SLC22A23: variants seen among roughly 807,000 people sequenced by gnomAD.
The protein encoded by SLC22A23 is ion transporter protein.
A neutral mutation model predicts 61.0 loss-of-function variants in SLC22A23; 26 were observed. The observed-to-expected ratio is 0.43, with a 90% CI of 0.31 to 0.59. The LOEUF (loss-of-function observed/expected upper bound fraction) is 0.59. Among genes scored for constraint, SLC22A23 ranks in the 20% least tolerant of loss-of-function variants. SLC22A23 has a pLI of 0.11. For missense variants in SLC22A23, 796 were observed against 934.7 expected (o/e 0.85, Z 1.94); for synonymous variants, 430 against 413.9 (o/e 1.04, Z -0.47).
intron 1 of SLC22A23, chr6:3,432,157 G>T: frequency 1.0e-6 from 1 of 968,724 alleles, no homozygotes; most frequent in Non-Finnish European, 1.2e-6. Flanking sequence ...AGGCGGTAGT[G>T]CTAGGGTTCA....
At chr6:3,279,509 CAAAAAAAAAAAAAAA>C (rs10642564) in intron 9 of SLC22A23, among the ~76,000 whole-genome samples, 12 of 36,016 alleles carry the variant, frequency 3.3e-4, no homozygotes, top group African/African-American at 8.8e-4. Flanking sequence ...GGCTCCGTCT[CAAAAAAAAAAAAAAA>C]AAAAAAAAAA....
rs1425710337 is a variant in SLC22A23, at chr6:3,405,408, T to A, written c.913+4780A>T. Among the ~76,000 whole-genome samples the A allele has an allele frequency of 4.6e-5, 7 of 152,318 alleles. No individual in the cohort carries two copies. The East Asian group carries it at 1.3e-3, about 29-fold the overall frequency. On this transcript the variant is annotated intron_variant, in intron 3 of 9. Transcript: ENST00000406686. The stretch of plus-strand genomic sequence containing the variant: ...CTTGCTGCTACTGGGAAGGCCCACG[T>A]ATCTGAAGATGGGGAAACCGGGTGG...
At chr6:3,298,252 T>C (rs1327700340) in intron 4 of SLC22A23, 34 bp from the exon 5 acceptor site, 2 of 1,574,640 alleles carry the variant, frequency 1.3e-6, no homozygotes, top group Non-Finnish European at 1.7e-6. Flanking sequence ...GTGAATGTCT[T>C]CCGATTCTGC....
In SLC22A23 at chr6:3,330,905, C is replaced by T. The variant is rs140474663; in HGVS notation, c.914-6903G>A. On this transcript the variant is annotated intron_variant, in intron 3 of 9. Transcript: ENST00000406686. The surrounding 1 kb of genome is among the most constrained non-coding windows in gnomAD (Gnocchi z 4.7). The stretch of plus-strand genomic sequence containing the variant: ...TTCCAGTGTCTGCCAGACATGTAGA[C>T]ATAGGCATTAAATGCTCAAATGCAG... 7.9e-5 allele frequency among the ~76,000 whole-genome samples: 12 copies of T among 152,340 alleles called. No homozygotes were observed. The highest frequency in any genetic ancestry group is 1.8e-4 in the Non-Finnish European group (12 of 68,032).
At chr6:3,278,792 G>GA (rs1452305903) in intron 9 of SLC22A23, among the ~76,000 whole-genome samples, 1 of 152,210 alleles carries the variant, frequency 6.6e-6, no homozygotes, top group African/African-American at 2.4e-5. Context: ...AGATGCTAGG[G>GA]ATAATGGACA....
chr6:3,292,845 TGGGAGCACTCG>T (rs11271675), intron 5 of SLC22A23, among the ~76,000 whole-genome samples: 11,703 of 152,152 alleles, frequency 0.077, 672 homozygotes, highest in East Asian at 0.32. Flanking sequence ...GCGCGGCCTC[TGGGAGCACTCG>T]GGGAGCACGT....
At chr6:3,292,838 C>T (rs965788036) in intron 5 of SLC22A23, among the ~76,000 whole-genome samples, 2 of 151,436 alleles carry the variant, frequency 1.3e-5, no homozygotes, top group Admixed American at 1.3e-4. Flanking sequence ...GAACTCGGCG[C>T]GGCCTCTGGG....
At position 3,328,527 on chromosome 6, in the gene SLC22A23, T is replaced by C. The variant is rs1763404312; in HGVS notation, c.914-4525A>G. 6.6e-6 allele frequency among the ~76,000 whole-genome samples: 1 copy of C among 152,088 alleles called. No homozygotes were observed. The highest frequency in any genetic ancestry group is 1.5e-5 in the Non-Finnish European group (1 of 68,020). On this transcript the variant is annotated intron_variant, in intron 3 of 9. Transcript: ENST00000406686. This position sits in a 1 kb window ranked among gnomAD's most constrained non-coding sequence, Gnocchi z 5.0. ...GCATTTGCTCAAACAGGAACCCCGGTGCTGCCAGGAGAGAGCTGACTTTGA... is the reference window on the plus strand; with the variant it reads ...GCATTTGCTCAAACAGGAACCCCGGCGCTGCCAGGAGAGAGCTGACTTTGA...
At position 3,330,911 on chromosome 6, in the gene SLC22A23, C is replaced by CATT; in HGVS notation, c.914-6912_914-6910dup. The stretch of plus-strand genomic sequence containing the variant: ...TGTCTGCCAGACATGTAGACATAGG[C>CATT]ATTAAATGCTCAAATGCAGAAATAC... On this transcript the variant is annotated intron_variant, in intron 3 of 9. Transcript: ENST00000406686. The surrounding 1 kb of genome is among the most constrained non-coding windows in gnomAD (Gnocchi z 4.7). Among the ~76,000 whole-genome samples, 1 of 152,310 alleles carries CATT rather than the reference C, an allele frequency of 6.6e-6. No homozygotes were observed. The highest frequency in any genetic ancestry group is 2.1e-4 in the South Asian group (1 of 4,820).
chr6:3,422,821 C>T (rs1386961778), intron 1 of SLC22A23, among the ~76,000 whole-genome samples: 3 of 152,046 alleles, frequency 2.0e-5, no homozygotes, highest in Admixed American at 6.5e-5. Flanking sequence ...AACCATGGTA[C>T]ATTGAGGGGA....
chr6:3,439,374 G>C (rs1313636266), intron 1 of SLC22A23: 3 of 447,258 alleles, frequency 6.7e-6, no homozygotes, highest in Non-Finnish European at 8.9e-6. Context: ...AGTTCCCCAG[G>C]GTGACTCTAA....
rs997867560 is a variant in SLC22A23 at position 3,390,876 on chromosome 6, G to A, written c.913+19312C>T. Among the ~76,000 whole-genome samples, 8 of 152,168 alleles carry A rather than the reference G, an allele frequency of 5.3e-5. No homozygotes were observed. Among genetic ancestry groups the A allele is most frequent in the Admixed American group, 3.9e-4 (6 of 15,286 alleles). ...GAAGCTGGAGTTCTGCCCAGAAGCCGCACCCAGAGATCTGAGGGAACCATG... is the reference window on the plus strand; with the variant it reads ...GAAGCTGGAGTTCTGCCCAGAAGCCACACCCAGAGATCTGAGGGAACCATG... On this transcript the variant is annotated intron_variant, in intron 3 of 9. Coordinates refer to ENST00000406686, the MANE Select transcript of SLC22A23 (RefSeq NM_015482.2). The surrounding 1 kb of genome is among the most constrained non-coding windows in gnomAD (Gnocchi z 4.0).
At chr6:3,451,609 G>C (rs1235497364) in intron 1 of SLC22A23, among the ~76,000 whole-genome samples, 1 of 152,156 alleles carries the variant, frequency 6.6e-6, no homozygotes, top group African/African-American at 2.4e-5. Context: ...CTGAGAACTT[G>C]GGCTGCGCAG....
In SLC22A23 at chr6:3,286,836, G is replaced by A; in HGVS notation, c.1546+23C>T. The A allele has an allele frequency of 6.4e-7, 1 of 1,553,636 alleles. No homozygotes were observed. The highest frequency in any genetic ancestry group is 8.7e-7 in the Non-Finnish European group (1 of 1,146,986). On this transcript the variant is annotated intron_variant, in intron 7 of 9. Transcript: ENST00000406686. This position sits in a 1 kb window ranked among gnomAD's most constrained non-coding sequence, Gnocchi z 4.2. ...CTGCCAGCTTCCCTCCCTGCACCCA[G>A]CCCACCTCCCCGACCCACTCACGGT...
At position 3,390,783 on chromosome 6, in the gene SLC22A23, A is replaced by T. The variant is rs1299437468; in HGVS notation, c.913+19405T>A. Among the ~76,000 whole-genome samples the T allele has an allele frequency of 6.6e-6, 1 of 152,182 alleles. No homozygotes were observed. The highest frequency in any genetic ancestry group is 1.5e-5 in the Non-Finnish European group (1 of 68,034). On this transcript the variant is annotated intron_variant, in intron 3 of 9. Transcript: ENST00000406686. This position sits in a 1 kb window ranked among gnomAD's most constrained non-coding sequence, Gnocchi z 4.0. The stretch of plus-strand genomic sequence containing the variant: ...ATCACTGAACATTTATATTCTAAAC[A>T]TCAGTCTCAGGCCCTACAGGCTTCA...
At chr6:3,443,530 G>C (rs928448089) in intron 1 of SLC22A23, among the ~76,000 whole-genome samples, 1 of 152,176 alleles carries the variant, frequency 6.6e-6, no homozygotes, top group African/African-American at 2.4e-5. Context: ...TACATCCTGA[G>C]TCTCTGGGAG....
In SLC22A23 at chr6:3,356,093, GAGGAGGC is replaced by G. The variant is rs1225301258; in HGVS notation, c.914-32098_914-32092del. On this transcript the variant is annotated intron_variant, in intron 3 of 9. Transcript: ENST00000406686. ...GGGGCGCGGGAGGGGGAGGAGGCGGGAGGAGGCGGGGGTGGGTGGAGGCGGGAGGGTG... is the reference window on the plus strand; with the variant it reads ...GGGGCGCGGGAGGGGGAGGAGGCGGGGGGGGTGGGTGGAGGCGGGAGGGTG... Among the ~76,000 whole-genome samples, 19 of 7,950 alleles carry G rather than the reference GAGGAGGC, an allele frequency of 2.4e-3. 6 individuals are homozygous for G. The highest frequency in any genetic ancestry group is 3.9e-3 in the Non-Finnish European group (14 of 3,592). The allele number at this position is 7,950 out of a possible 152,430, so 5.2% of individuals were successfully genotyped here. A position where few individuals can be genotyped will look rare whatever the true frequency, so the allele number is the denominator to read the frequency against.
At chr6:3,428,236 A>G (rs1299117580) in intron 1 of SLC22A23, among the ~76,000 whole-genome samples, 1 of 152,246 alleles carries the variant, frequency 6.6e-6, no homozygotes, top group East Asian at 1.9e-4. Context: ...GGCCCTCACC[A>G]GAGTCTCTTA....
intron 1 of SLC22A23, among the ~76,000 whole-genome samples, chr6:3,429,174 G>A (rs1370783915): frequency 6.6e-6 from 1 of 152,186 alleles, no homozygotes; most frequent in African/African-American, 2.4e-5. Flanking sequence ...TGTCACCCCT[G>A]ACAATCTACC....
Sources: gnomAD v4.1 joint callset for allele counts (sites outside exome capture counted in the v4.1 genomes callset) on GRCh38, gnomAD v4.1.1 for gene constraint, Gnocchi (gnomAD v3.1) non-coding constraint, MANE v1.5 for transcripts, NCBI Gene and HGNC (gene_info 2026-07-23, HGNC 2026-07-21) for gene names.